The following ETV6 variants were observed in gnomAD, a reference collection of about 807,000 sequenced individuals.
ETV6 encodes the protein transcription factor ETV6.
In ETV6, 16 loss-of-function variants were observed where a neutral mutation model predicts 51.1. That is an observed-to-expected ratio of 0.31 (90% confidence interval 0.21 to 0.48). The LOEUF (loss-of-function observed/expected upper bound fraction) is 0.48. ETV6 is among the 20% of genes least tolerant of loss of function. The pLI, the probability that ETV6 is intolerant of heterozygous loss-of-function variation, is 0.99. For missense variants in ETV6, 458 were observed against 594.8 expected, an observed-to-expected ratio of 0.77 and a Z score of 2.39; for synonymous variants, 240 against 224.1, an observed-to-expected ratio of 1.07 and a Z score of -0.64.
chr12:11,870,549 T>G (rs1946866068), intron 5 of ETV6, among the ~76,000 whole-genome samples: 1 of 151,216 alleles, frequency 6.6e-6, no homozygotes. Context: ...AAGAAACCAG[T>G]GGAAACCAGT....
chr12:11,869,924 G>C lies in ETV6; in HGVS notation c.964G>C (p.Val322Leu). Residue 322 changes from valine to leucine, a missense_variant, in exon 5 of 8, where the codon GTC (valine) becomes CTC (leucine). By Grantham distance (32) the Val-to-Leu change is conservative (BLOSUM62 1). Transcript: ENST00000396373. The surrounding 1 kb of genome is among the most constrained non-coding windows in gnomAD (Gnocchi z 5.0). ...TTACATGAACCACATCATGGTCTCTGTCTCCCCGCCTGAAGAGCACGCCAT... is the reference window on the plus strand; with the variant it reads ...TTACATGAACCACATCATGGTCTCTCTCTCCCCGCCTGAAGAGCACGCCAT... Reference protein sequence around the residue: ...LAYMNHIMVSVSPPEEHAMPI... With the variant: ...LAYMNHIMVSLSPPEEHAMPI... 3 of 1,611,032 alleles carry C rather than the reference G, an allele frequency of 1.9e-6. No individual in the cohort carries two copies. The highest frequency in any genetic ancestry group is 2.5e-6 in the Non-Finnish European group (3 of 1,179,960).
chr12:11,794,604 G>A (rs149949526), intron 2 of ETV6, among the ~76,000 whole-genome samples: 1 of 152,274 alleles, frequency 6.6e-6, no homozygotes, highest in Admixed American at 6.5e-5. Context: ...ATACCTGTGG[G>A]TTTCCTTGCA....
At chr12:11,883,219 C>T (rs1436135301) in intron 5 of ETV6, among the ~76,000 whole-genome samples, 1 of 149,874 alleles carries the variant, frequency 6.7e-6, no homozygotes, top group Non-Finnish European at 1.5e-5. Flanking sequence ...CACACACCTT[C>T]ACAGCACACA....
intron 1 of ETV6, among the ~76,000 whole-genome samples, chr12:11,662,877 C>A (rs1023473083): frequency 3.9e-5 from 6 of 152,188 alleles, no homozygotes; most frequent in African/African-American, 1.4e-4. Flanking sequence ...TCCCTTTAAT[C>A]TTTTGGGACC....
intron 1 of ETV6, among the ~76,000 whole-genome samples, chr12:11,746,970 A>G (rs2121043471): frequency 6.6e-6 from 1 of 152,292 alleles, no homozygotes; most frequent in East Asian, 1.9e-4. Context: ...TCAGTTCTAA[A>G]CAGGAATCCG....
intron 2 of ETV6, among the ~76,000 whole-genome samples, chr12:11,770,759 A>G (rs1221563355): frequency 1.3e-5 from 2 of 152,180 alleles, no homozygotes; most frequent in Admixed American, 1.3e-4. Flanking sequence ...GCTAATGAGT[A>G]AGTAACAGCA....
intron 2 of ETV6, among the ~76,000 whole-genome samples, chr12:11,815,553 C>T (rs902855470): frequency 1.3e-5 from 2 of 152,236 alleles, no homozygotes; most frequent in South Asian, 2.1e-4. Context: ...CATTTAGCCC[C>T]GTTCCCTTCA....
intron 1 of ETV6, among the ~76,000 whole-genome samples, chr12:11,710,354 C>T (rs937525720): frequency 8.5e-5 from 13 of 152,110 alleles, no homozygotes; most frequent in Admixed American, 2.6e-4. Flanking sequence ...GTTTCTCTGA[C>T]CTCCTGTCTC....
intron 5 of ETV6, among the ~76,000 whole-genome samples, chr12:11,881,667 G>GTAGT (rs772457905): frequency 1.3e-5 from 2 of 152,228 alleles, no homozygotes; most frequent in African/African-American, 2.4e-5. Context: ...AGGTACCTTG[G>GTAGT]TAGTTAGTTA....
rs775423897 is a variant in ETV6, at chr12:11,885,967, G to A, written c.1194G>A (p.Leu398=). ...NMTYEKMSRA[L]RHYYKLNIIR... ...CCTATGAGAAAATGTCCAGAGCCCT[G>A]CGCCACTACTACAAACTAAACATTA... The change falls in exon 7 of 8, where the codon CTG becomes CTA. Residue 398 remains leucine, a synonymous_variant. Transcript: ENST00000396373. 1.2e-6 allele frequency: 2 copies of A among 1,614,124 alleles called. No homozygotes were observed. The highest frequency in any genetic ancestry group is 2.2e-5 in the South Asian group (2 of 91,088).
intron 1 of ETV6, among the ~76,000 whole-genome samples, chr12:11,685,728 C>A (rs1220799441): frequency 6.6e-6 from 1 of 152,204 alleles, no homozygotes; most frequent in African/African-American, 2.4e-5. Flanking sequence ...AGAGTACATT[C>A]TTGTCTTAAT....
At chr12:11,844,587 T>G (rs2136473515) in intron 3 of ETV6, among the ~76,000 whole-genome samples, 1 of 152,344 alleles carries the variant, frequency 6.6e-6, no homozygotes, top group Middle Eastern at 3.4e-3. Flanking sequence ...ATGGTAGGTT[T>G]GCCAGATTGA....
intron 2 of ETV6, among the ~76,000 whole-genome samples, chr12:11,792,295 C>G (rs915154820): frequency 1.3e-5 from 2 of 152,140 alleles, no homozygotes; most frequent in Non-Finnish European, 2.9e-5. Context: ...CCTGCTCTCC[C>G]AGTGACAGAC....
At chr12:11,765,807 T>G (rs1189177501) in intron 2 of ETV6, among the ~76,000 whole-genome samples, 1 of 152,218 alleles carries the variant, frequency 6.6e-6, no homozygotes, top group Non-Finnish European at 1.5e-5. Flanking sequence ...TATTTTCTTG[T>G]GCCCTCTTCA....
At chr12:11,864,769 T>A (rs1485284126) in intron 4 of ETV6, among the ~76,000 whole-genome samples, 3 of 152,014 alleles carry the variant, frequency 2.0e-5, no homozygotes, top group Non-Finnish European at 4.4e-5. Flanking sequence ...AAAAAAAGCT[T>A]TTTATAACAG....
intron 2 of ETV6, among the ~76,000 whole-genome samples, chr12:11,835,211 A>G (rs1946299040): frequency 6.6e-6 from 1 of 152,232 alleles, no homozygotes; most frequent in Admixed American, 6.5e-5. Context: ...ACAGCAGTTC[A>G]CTTTCTCTGT....
At chr12:11,683,172 T>C (rs1473056497) in intron 1 of ETV6, among the ~76,000 whole-genome samples, 1 of 152,164 alleles carries the variant, frequency 6.6e-6, no homozygotes, top group Non-Finnish European at 1.5e-5. Context: ...GCCTCCCAAA[T>C]AGTGGGGATT....
At chr12:11,685,250 C>T (rs1864605741) in intron 1 of ETV6, among the ~76,000 whole-genome samples, 1 of 150,024 alleles carries the variant, frequency 6.7e-6, no homozygotes, top group Non-Finnish European at 1.5e-5. Flanking sequence ...CGGAGTACAC[C>T]AATATTGAGC....
chr12:11,721,194 C>T (rs1865378734), intron 1 of ETV6, among the ~76,000 whole-genome samples: 1 of 152,048 alleles, frequency 6.6e-6, no homozygotes, highest in African/African-American at 2.4e-5. Flanking sequence ...CCATTCAGCC[C>T]ATAAATCTCA....
Sources: gnomAD v4.1 joint callset for allele counts (sites outside exome capture counted in the v4.1 genomes callset) on GRCh38, gnomAD v4.1.1 for gene constraint, Gnocchi (gnomAD v3.1) non-coding constraint, MANE v1.5 for transcripts, NCBI Gene and HGNC (gene_info 2026-07-23, HGNC 2026-07-21) for gene names.